Variants in ZNF777 observed in about 807,000 individuals in gnomAD.
ZNF777 encodes the protein zinc finger protein 777.
In ZNF777, 7 loss-of-function variants were observed where a neutral mutation model predicts 72.1. The observed-to-expected ratio is 0.10, with a 90% CI of 0.06 to 0.18. The LOEUF (loss-of-function observed/expected upper bound fraction) is 0.18, where lower values mean the gene tolerates loss of function less well. Among genes scored for constraint, ZNF777 ranks in the 10% least tolerant of loss-of-function variants. ZNF777 has a pLI of 1.00. For missense variants in ZNF777, 828 were observed against 1,128.6 expected (o/e 0.73, Z 3.82); for synonymous variants, 545 against 483.5 (o/e 1.13, Z -1.67).
intron 4 of ZNF777, among the ~76,000 whole-genome samples, chr7:149,442,834 G>T (rs1478377839): frequency 1.3e-5 from 2 of 152,086 alleles, no homozygotes; most frequent in African/African-American, 2.4e-5. Flanking sequence ...CACCCTTATG[G>T]AAAGTCAAAT....
chr7:149,437,599 T>C (rs1490055123), intron 4 of ZNF777, among the ~76,000 whole-genome samples: 3 of 152,204 alleles, frequency 2.0e-5, no homozygotes, highest in Admixed American at 2.0e-4. Context: ...ATTACATACA[T>C]AGGTGTCATT....
In ZNF777 at chr7:149,432,728, C is replaced by A; in HGVS notation, c.1544G>T (p.Arg515Met). Residue 515 changes from arginine to methionine, a missense_variant, in exon 6 of 6, where the codon AGG becomes ATG. This residue lies in a region of ZNF777 where 219 missense variants were observed against 223.0 expected (regional missense o/e 0.98). Coordinates refer to ENST00000247930, the MANE Select transcript of ZNF777 (RefSeq NM_015694.3). ...PLQLGNPAVK[R>M]LAPSVHGERH... ...CTCACCGTGCACGGAGGGCGCCAGC[C>A]TTTTCACTGCGGGGTTTCCTAGCTG... 1 of 1,612,298 alleles carries A rather than the reference C, an allele frequency of 6.2e-7. No individual in the cohort carries two copies. The highest frequency in any genetic ancestry group is 8.5e-7 in the Non-Finnish European group (1 of 1,178,894).
intron 4 of ZNF777, among the ~76,000 whole-genome samples, chr7:149,447,170 C>T (rs1799618718): frequency 6.6e-6 from 1 of 152,138 alleles, no homozygotes; most frequent in Non-Finnish European, 1.5e-5. Flanking sequence ...ACAACATATT[C>T]CAAATCCCCG....
Position 149,455,089 on chromosome 7 carries a change from AC to A in ZNF777, c.846+87del. The stretch of plus-strand genomic sequence containing the variant: ...CACTGTATTTTTTCCTTTATCAACC[AC>A]CCCTTTCTTTCATATTACACTACAT... On this transcript the variant is annotated intron_variant, in intron 2 of 5. Coordinates refer to ENST00000247930, the MANE Select transcript of ZNF777 (RefSeq NM_015694.3). This position sits in a 1 kb window ranked among gnomAD's most constrained non-coding sequence, Gnocchi z 4.2. The A allele has an allele frequency of 6.8e-7, 1 of 1,461,718 alleles. No individual in the cohort carries two copies. The highest frequency in any genetic ancestry group is 9.2e-7 in the Non-Finnish European group (1 of 1,087,260). The allele number at this position is 1,461,718 out of a possible 1,614,324, so 90.5% of individuals were successfully genotyped here.
intron 1 of ZNF777, among the ~76,000 whole-genome samples, chr7:149,458,502 GAAACAAAACAAAACAAAACAAAACA>G (rs59457062): frequency 2.0e-5 from 3 of 149,242 alleles, no homozygotes; most frequent in Admixed American, 1.3e-4. Context: ...CTGAAACAAT[GAAACAAAACAAAACAAAACAAAACA>G]AAACAAAACA....
Position 149,460,959 on chromosome 7 carries a change from C to T in ZNF777, c.-160G>A, listed in dbSNP as rs896245170. The T allele has an allele frequency of 2.0e-5, 3 of 152,312 alleles. No homozygotes were observed. The highest frequency in any genetic ancestry group is 3.9e-4 in the East Asian group (2 of 5,186). 9.4% of individuals were successfully genotyped at this position (152,312 alleles called of 1,614,324 possible). ...CGACAGCCTTCCTCCCGCCGATCCCCTGCGCCTCTCACACCCAGAACCCGG... is the reference window on the plus strand; with the variant it reads ...CGACAGCCTTCCTCCCGCCGATCCCTTGCGCCTCTCACACCCAGAACCCGG... On this transcript the variant is annotated 5_prime_UTR_variant, in exon 1 of 6. Transcript: ENST00000247930. This position sits in a 1 kb window ranked among gnomAD's most constrained non-coding sequence, Gnocchi z 6.1.
chr7:149,457,072 TC>T (rs1308418264), intron 1 of ZNF777, among the ~76,000 whole-genome samples: 11 of 152,074 alleles, frequency 7.2e-5, no homozygotes, highest in African/African-American at 2.4e-4. Flanking sequence ...AGAGCAGAAG[TC>T]AGCTGGACTG....
At chr7:149,452,974 T>A (rs1799752590) in intron 3 of ZNF777, among the ~76,000 whole-genome samples, 1 of 152,256 alleles carries the variant, frequency 6.6e-6, no homozygotes, top group Admixed American at 6.5e-5. Context: ...AAAGCCCTAA[T>A]GGTTCACGTG....
In ZNF777 at chr7:149,436,543, C is replaced by T. The variant is rs777702230; in HGVS notation, c.1339+32G>A. On this transcript the variant is annotated intron_variant, in intron 5 of 5. Transcript: ENST00000247930. The surrounding 1 kb of genome is among the most constrained non-coding windows in gnomAD (Gnocchi z 5.0). ...GGCCCTCTGGGAGGCCTCATGGCAA[C>T]CCTTCCCCGGCCGTCCCCGCCCAGC... is the stretch of plus-strand genomic sequence containing the variant. 1.3e-6 allele frequency: 2 copies of T among 1,558,970 alleles called. No homozygotes were observed. The highest frequency in any genetic ancestry group is 3.4e-5 in the Admixed American group (2 of 58,108).
chr7:149,443,803 G>A (rs1422980770), intron 4 of ZNF777, among the ~76,000 whole-genome samples: 4 of 152,118 alleles, frequency 2.6e-5, no homozygotes, highest in African/African-American at 9.7e-5. Flanking sequence ...ATGTTGCCCA[G>A]GCTAATCTCA....
rs1282107989 is a variant in ZNF777, at chr7:149,436,229, C to T, written c.1339+346G>A. Among the ~76,000 whole-genome samples the T allele has an allele frequency of 1.3e-5, 2 of 152,146 alleles. No individual in the cohort carries two copies. The highest frequency in any genetic ancestry group is 2.9e-5 in the Non-Finnish European group (2 of 68,026). ...GGCTTCTAGGGTGATATGAGATGAT[C>T]AAGGACACGTTGGGAGAGTTCTAGC... On this transcript the variant is annotated intron_variant, in intron 5 of 5. Coordinates refer to ENST00000247930, the MANE Select transcript of ZNF777 (RefSeq NM_015694.3). The surrounding 1 kb of genome is among the most constrained non-coding windows in gnomAD (Gnocchi z 5.0).
At chr7:149,442,249 A>G (rs907375841) in intron 4 of ZNF777, among the ~76,000 whole-genome samples, 4 of 148,404 alleles carry the variant, frequency 2.7e-5, no homozygotes, top group African/African-American at 1.0e-4. Context: ...ATAAATTTGA[A>G]TACATAAAAG....
At chr7:149,453,420 C>T (rs1237373903) in intron 3 of ZNF777, among the ~76,000 whole-genome samples, 1 of 151,596 alleles carries the variant, frequency 6.6e-6, no homozygotes, top group Non-Finnish European at 1.5e-5. Flanking sequence ...TTGTATATAC[C>T]CAAAAAGTTC....
At chr7:149,453,820 T>C (rs1343732938) in intron 3 of ZNF777, among the ~76,000 whole-genome samples, 2 of 152,200 alleles carry the variant, frequency 1.3e-5, no homozygotes, top group Admixed American at 6.5e-5. Context: ...GGGGTCCCCA[T>C]GGGGAAAAAT....
At chr7:149,439,871 CTCTTA>C (rs1474374438) in intron 4 of ZNF777, among the ~76,000 whole-genome samples, 2 of 152,090 alleles carry the variant, frequency 1.3e-5, no homozygotes, top group Non-Finnish European at 2.9e-5. Context: ...GGAAATGTAT[CTCTTA>C]TAAGGATGAA....
At chr7:149,442,624 A>AT (rs112003133) in intron 4 of ZNF777, among the ~76,000 whole-genome samples, 25 of 152,262 alleles carry the variant, frequency 1.6e-4, no homozygotes, top group African/African-American at 5.8e-4. Flanking sequence ...TGTCTAAAAA[A>AT]AAAAAAAAAG....
Position 149,455,474 on chromosome 7 carries a change from G to C in ZNF777, c.549C>G (p.Ile183Met), listed in dbSNP as rs774533873. 39 of 1,614,062 alleles carry C rather than the reference G, an allele frequency of 2.4e-5. No homozygotes were observed. Among genetic ancestry groups the C allele is most frequent in the Non-Finnish European group, 3.1e-5 (36 of 1,180,036 alleles). ...CGGCAGCCCACACAGCCAAGCGGGT[G>C]ATCTCTGCCGTGGGGAGCGGCTGTT... ...QKEQPLPTAE[I>M]TRLAVWAAVQ... The change falls in exon 2 of 6, where the codon ATC (isoleucine) becomes ATG (methionine). Residue 183 changes from isoleucine (I) to methionine (M), a missense_variant. By Grantham distance (10) the Ile-to-Met change is conservative. Coordinates refer to ENST00000247930, the MANE Select transcript of ZNF777 (RefSeq NM_015694.3). This position sits in a 1 kb window ranked among gnomAD's most constrained non-coding sequence, Gnocchi z 4.2.
At position 149,438,399 on chromosome 7, in the gene ZNF777, A is replaced by ACATT. The variant is rs571116207; in HGVS notation, c.1088-1577_1088-1574dup. ...TATTCATTCTTTCCCTAACAGAAGAACATTCACGTTTTGTTCCCAGAGTTT... is the reference window on the plus strand; with the variant it reads ...TATTCATTCTTTCCCTAACAGAAGAACATTCATTCACGTTTTGTTCCCAGAGTTT... On this transcript the variant is annotated intron_variant, in intron 4 of 5. Transcript: ENST00000247930. Among the ~76,000 whole-genome samples the ACATT allele has an allele frequency of 5.3e-5, 8 of 152,352 alleles. No homozygotes were observed. The South Asian group carries it at 1.7e-3, about 32-fold the overall frequency.
At chr7:149,438,040 C>T (rs1018431602) in intron 4 of ZNF777, among the ~76,000 whole-genome samples, 6 of 151,568 alleles carry the variant, frequency 4.0e-5, no homozygotes, top group Non-Finnish European at 5.9e-5. Context: ...CCACCACACC[C>T]GGCTAATTTT....
Sources: allele counts gnomAD v4.1 joint callset (sites outside exome capture counted in the v4.1 genomes callset), GRCh38; gene constraint gnomAD v4.1.1; regional missense constraint gnomAD v4.1.1; non-coding constraint Gnocchi (gnomAD v3.1); transcripts MANE v1.5; gene names NCBI Gene and HGNC (gene_info 2026-07-23, HGNC 2026-07-21).